Variants in FAM110B observed in about 807,000 individuals in gnomAD.
FAM110B encodes the protein family with sequence similarity 110 member B.
In FAM110B, 6 loss-of-function variants were observed where a neutral mutation model predicts 20.4. The ratio of observed to expected loss-of-function variants is 0.29; its 90% CI spans 0.16 to 0.58. FAM110B has a LOEUF of 0.58. Among genes scored for constraint, FAM110B ranks in the 20% least tolerant of loss-of-function variants. FAM110B has a pLI of 0.90. For synonymous variants in FAM110B, 226 were observed against 214.1 expected, an observed-to-expected ratio of 1.06 and a Z score of -0.49; for missense variants, 434 against 498.2, an observed-to-expected ratio of 0.87 and a Z score of 1.23.
chr8:58,117,675 A>G (rs1807249609), intron 3 of FAM110B, among the ~76,000 whole-genome samples: 1 of 152,164 alleles, frequency 6.6e-6, no homozygotes, highest in African/African-American at 2.4e-5. Context: ...GTCATTGTTA[A>G]GAGTTAATAT....
At chr8:58,004,612 G>A (rs1472053692) in intron 1 of FAM110B, among the ~76,000 whole-genome samples, 1 of 152,214 alleles carries the variant, frequency 6.6e-6, no homozygotes, top group Non-Finnish European at 1.5e-5. Flanking sequence ...AGGCCTGGTT[G>A]TGCGTGCCTG....
In FAM110B at chr8:58,075,269, T is replaced by TGTGTGTGTG. The variant is rs1554521049; in HGVS notation, c.-413-266_-413-265insGTGTGTGTG. On this transcript the variant is annotated intron_variant, in intron 2 of 3. Coordinates refer to ENST00000519262, the MANE Select transcript of FAM110B (RefSeq NM_001377989.1). ...ACACTGAACTAATTTTTGCTTTTTT[T>TGTGTGTGTG]TTTTTTTGTGTGTGTGTGTGTGTGT... Among the ~76,000 whole-genome samples, 76 of 122,418 alleles carry TGTGTGTGTG rather than the reference T, an allele frequency of 6.2e-4. 1 individual carries two copies. The highest frequency in any genetic ancestry group is 2.9e-3 in the African/African-American group (69 of 23,582). 80.3% of individuals were successfully genotyped at this position (122,418 alleles called of 152,430 possible).
Position 58,146,353 on chromosome 8 carries a change from C to G in FAM110B, c.123C>G (p.Ala41=), listed in dbSNP as rs751067454. The G allele has an allele frequency of 1.2e-6, 2 of 1,614,020 alleles. No homozygotes were observed. Among genetic ancestry groups the G allele is most frequent in the South Asian group, 1.1e-5 (1 of 91,080 alleles). ...GGCCAGACTACTTCCGCAGGCAGGC[C>G]GAGCCCAACCCCAAGAGGCTCAGCG... ...NKGPDYFRRQ[A]EPNPKRLSAV... Residue 41 remains alanine (A), a synonymous_variant, in exon 4 of 4, where the codon GCC becomes GCG. Transcript: ENST00000519262.
At chr8:58,051,193 C>A (rs911198923) in intron 2 of FAM110B, among the ~76,000 whole-genome samples, 2 of 152,144 alleles carry the variant, frequency 1.3e-5, no homozygotes, top group African/African-American at 2.4e-5. Flanking sequence ...TTGCAATGAA[C>A]ATAGAAACCA....
intron 1 of FAM110B, among the ~76,000 whole-genome samples, chr8:58,019,910 A>G (rs534155064): frequency 6.6e-6 from 1 of 152,046 alleles, no homozygotes; most frequent in Non-Finnish European, 1.5e-5. Context: ...ATTTGTTCAC[A>G]TATTTTTAAT....
chr8:58,074,235 C>T (rs1374898025), intron 2 of FAM110B, among the ~76,000 whole-genome samples: 1 of 152,128 alleles, frequency 6.6e-6, no homozygotes. Context: ...TTTTCCCTGT[C>T]TCCTTTGCTA....
chr8:58,004,442 C>A (rs1350196177), intron 1 of FAM110B, among the ~76,000 whole-genome samples: 1 of 152,216 alleles, frequency 6.6e-6, no homozygotes, highest in African/African-American at 2.4e-5. Flanking sequence ...GAGATGGCTT[C>A]TTTCCTTAAA....
chr8:58,133,735 C>T (rs1454234811), intron 3 of FAM110B, among the ~76,000 whole-genome samples: 8 of 152,194 alleles, frequency 5.3e-5, no homozygotes, highest in Non-Finnish European at 1.0e-4. Flanking sequence ...CCCACATCCC[C>T]CTGACACCAG....
chr8:58,138,220 GGCA>G (rs1803665058), intron 3 of FAM110B, among the ~76,000 whole-genome samples: 1 of 152,256 alleles, frequency 6.6e-6, no homozygotes, highest in South Asian at 2.1e-4. Flanking sequence ...GTTCCGTGGA[GGCA>G]GCCACGCCTC....
intron 2 of FAM110B, among the ~76,000 whole-genome samples, chr8:58,072,438 T>A (rs145991765): frequency 1.7e-4 from 26 of 152,372 alleles, no homozygotes; most frequent in African/African-American, 5.8e-4. Flanking sequence ...AAAGGGACTT[T>A]TAACATACAC....
intron 2 of FAM110B, among the ~76,000 whole-genome samples, chr8:58,062,574 A>G (rs531918915): frequency 6.6e-6 from 1 of 152,256 alleles, no homozygotes; most frequent in Non-Finnish European, 1.5e-5. Flanking sequence ...TATGATTCAC[A>G]GATATTTTGT....
intron 3 of FAM110B, among the ~76,000 whole-genome samples, chr8:58,130,149 A>G (rs900972938): frequency 5.3e-5 from 8 of 152,224 alleles, no homozygotes; most frequent in African/African-American, 1.9e-4. Flanking sequence ...AAGCATTCCT[A>G]GGATAAAAAG....
chr8:58,068,605 A>T (rs1184085877), intron 2 of FAM110B, among the ~76,000 whole-genome samples: 3 of 152,180 alleles, frequency 2.0e-5, no homozygotes, highest in Non-Finnish European at 4.4e-5. Flanking sequence ...AAATAAAAAA[A>T]AAAAAAACTA....
chr8:58,065,737 C>T (rs966117649), intron 2 of FAM110B, among the ~76,000 whole-genome samples: 1 of 152,040 alleles, frequency 6.6e-6, no homozygotes, highest in Non-Finnish European at 1.5e-5. Flanking sequence ...TGAGCAAGTC[C>T]TGTAACCACC....
intron 1 of FAM110B, among the ~76,000 whole-genome samples, chr8:58,012,785 G>A (rs1804565077): frequency 6.6e-6 from 1 of 152,202 alleles, no homozygotes. Context: ...GGACATTGGT[G>A]CAAAGATGTA....
chr8:58,132,068 T>C (rs1052239424), intron 3 of FAM110B, among the ~76,000 whole-genome samples: 3 of 152,238 alleles, frequency 2.0e-5, no homozygotes, highest in Admixed American at 1.3e-4. Context: ...AGAATACTTA[T>C]TTTCCACGAA....
At chr8:58,045,724 C>T (rs1288740575) in intron 2 of FAM110B, among the ~76,000 whole-genome samples, 1 of 152,168 alleles carries the variant, frequency 6.6e-6, no homozygotes, top group Non-Finnish European at 1.5e-5. Flanking sequence ...GGAGGATTTT[C>T]ATCTTATGAA....
At chr8:58,092,947 C>A (rs1204010357) in intron 3 of FAM110B, among the ~76,000 whole-genome samples, 1 of 152,158 alleles carries the variant, frequency 6.6e-6, no homozygotes, top group African/African-American at 2.4e-5. Flanking sequence ...TTCTAACTGG[C>A]ATGGGATGGT....
chr8:58,006,749 C>A (rs373467599), intron 1 of FAM110B, among the ~76,000 whole-genome samples: 1 of 151,132 alleles, frequency 6.6e-6, no homozygotes, highest in Non-Finnish European at 1.5e-5. Flanking sequence ...ATTACAAGCA[C>A]GTGCCACCGC....
Sources: allele counts gnomAD v4.1 joint callset (sites outside exome capture counted in the v4.1 genomes callset), GRCh38; gene constraint gnomAD v4.1.1; transcripts MANE v1.5; gene names NCBI Gene and HGNC (gene_info 2026-07-23, HGNC 2026-07-21).